The following NUP62CL variants were observed in gnomAD, a reference collection of about 807,000 sequenced individuals.
NUP62CL encodes the protein nucleoporin 62 C-terminal like.
In NUP62CL, 13 loss-of-function variants were observed where a neutral mutation model predicts 15.3. The observed-to-expected ratio is 0.85, with a 90% CI of 0.55 to 1.35. NUP62CL has a LOEUF of 1.35. Among genes scored for constraint, NUP62CL ranks in the 40% most tolerant of loss-of-function variants. The pLI, the probability that NUP62CL is intolerant of heterozygous loss-of-function variation, is 0.00. For synonymous variants in NUP62CL, 54 were observed against 49.2 expected (o/e 1.10, Z -0.41); for missense variants, 123 against 130.6 (o/e 0.94, Z 0.28).
rs1926045678 is a variant in NUP62CL, at chrX:107,152,117, G to GATAGATAT, written c.530+1054_530+1055insATATCTAT. On this transcript the variant is annotated intron_variant, in intron 7 of 8. Transcript: ENST00000372466. ...ATATTCAGATATATATATATATTCA[G>GATAGATAT]ATATATATATATATTCAGATATATA... Among the ~76,000 whole-genome samples the GATAGATAT allele has an allele frequency of 3.5e-4, 12 of 34,746 alleles. 3 individuals are homozygous for GATAGATAT. Among genetic ancestry groups the GATAGATAT allele is most frequent in the African/African-American group, 1.9e-3 (12 of 6,382 alleles). 30.2% of individuals were successfully genotyped at this position (34,746 alleles called of 115,157 possible).
At chrX:107,205,883 C>T (rs754429659) in intron 1 of NUP62CL, among the ~76,000 whole-genome samples, 2 of 110,831 alleles carry the variant, frequency 1.8e-5, no homozygotes, top group Non-Finnish European at 3.8e-5. Context: ...GTGGGAACGA[C>T]ACGTAGCTCA....
intron 4 of NUP62CL, among the ~76,000 whole-genome samples, chrX:107,160,111 A>G (rs1373267494): frequency 2.5e-5 from 2 of 79,656 alleles, no homozygotes; most frequent in Non-Finnish European, 4.6e-5. Context: ...ACTACAAACC[A>G]CTGCTCAAGG....
chrX:107,183,170 G>C (rs1926958239), intron 2 of NUP62CL, among the ~76,000 whole-genome samples: 1 of 111,990 alleles, frequency 8.9e-6, no homozygotes, highest in African/African-American at 3.2e-5. Flanking sequence ...TCCAGCCTGG[G>C]CAACAGAGTG....
At chrX:107,155,365 G>A (rs1015754851) in intron 4 of NUP62CL, among the ~76,000 whole-genome samples, 1 of 112,278 alleles carries the variant, frequency 8.9e-6, no homozygotes, top group Non-Finnish European at 1.9e-5. Context: ...CTGAAATTCT[G>A]CCTCCATGTG....
chrX:107,194,450 T>C (rs1488494025), intron 1 of NUP62CL, among the ~76,000 whole-genome samples: 1 of 111,774 alleles, frequency 8.9e-6, no homozygotes. Flanking sequence ...CTTAAAAGTG[T>C]TAAGGGAAAA....
intron 4 of NUP62CL, among the ~76,000 whole-genome samples, chrX:107,166,563 C>A (rs979904102): frequency 7.2e-5 from 8 of 111,728 alleles, no homozygotes; most frequent in African/African-American, 2.6e-4. Flanking sequence ...GACAACTGCA[C>A]TCCTAGGCAT....
chrX:107,152,061 TATATATATATATATTCAG>T lies in NUP62CL; in HGVS notation c.530+1093_530+1110del, dbSNP rs1569357000. 1.3e-3 allele frequency among the ~76,000 whole-genome samples: 93 copies of T among 69,236 alleles called. 3 individuals carry two copies. Among genetic ancestry groups the T allele is most frequent in the Middle Eastern group, 6.7e-3 (1 of 150 alleles). The allele number at this position is 69,236 out of a possible 115,157, so 60.1% of individuals were successfully genotyped here. A position where few individuals can be genotyped will look rare whatever the true frequency, so the allele number is the denominator to read the frequency against. On this transcript the variant is annotated intron_variant, in intron 7 of 8. Transcript: ENST00000372466. ...ATATATATATTCAGATATATATATA[TATATATATATATATTCAG>T]ATATATATATATATATTCAGATATA...
At position 107,172,384 on chromosome X, in the gene NUP62CL, T is replaced by A. The variant is rs191041217; in HGVS notation, c.58+2705A>T. On this transcript the variant is annotated intron_variant, in intron 3 of 8. Coordinates refer to ENST00000372466, the MANE Select transcript of NUP62CL (RefSeq NM_017681.3). ...TGTTTAGGAATAATTATTTTAAGCT[T>A]AAACGGGATTGACTTTTAGTTTAAG... 3.1e-3 allele frequency among the ~76,000 whole-genome samples: 345 copies of A among 111,536 alleles called. 1 individual carries two copies. The highest frequency in any genetic ancestry group is 0.011 in the African/African-American group (332 of 30,672).
chrX:107,176,183 C>A (rs964221081), intron 2 of NUP62CL, among the ~76,000 whole-genome samples: 16 of 110,965 alleles, frequency 1.4e-4, no homozygotes. Context: ...CATTCAAGCC[C>A]AAAACATTAC....
At chrX:107,187,976 C>T (rs1431161473) in intron 2 of NUP62CL, among the ~76,000 whole-genome samples, 1 of 112,383 alleles carries the variant, frequency 8.9e-6, no homozygotes, top group Non-Finnish European at 1.9e-5. Flanking sequence ...TGTGAAAACT[C>T]CCAAAAATCA....
chrX:107,191,162 C>T (rs932438942), intron 2 of NUP62CL, among the ~76,000 whole-genome samples: 1 of 97,988 alleles, frequency 1.0e-5, no homozygotes, highest in Non-Finnish European at 2.0e-5. Context: ...AGTTATCTGA[C>T]ATATTAAAAG....
chrX:107,124,469 T>A (rs1925341853), intron 8 of NUP62CL, 137 bp from the exon 9 acceptor site: 22 of 292,961 alleles, frequency 7.5e-5, no homozygotes, highest in Middle Eastern at 4.8e-4. Flanking sequence ...AGAAAACACA[T>A]AAGAAAAAAA....
chrX:107,195,580 G>A (rs1448712505), intron 1 of NUP62CL, among the ~76,000 whole-genome samples: 1 of 112,287 alleles, frequency 8.9e-6, no homozygotes, highest in Non-Finnish European at 1.9e-5. Context: ...CTTGAATACT[G>A]TTAGTGTCAT....
intron 4 of NUP62CL, among the ~76,000 whole-genome samples, chrX:107,162,616 G>T (rs761531523): frequency 1.8e-5 from 2 of 112,166 alleles, no homozygotes; most frequent in Admixed American, 1.9e-4. Flanking sequence ...TGGTGAAAAT[G>T]TCCTTCAGAA....
chrX:107,182,581 G>A (rs1370409317), intron 2 of NUP62CL, among the ~76,000 whole-genome samples: 2 of 110,673 alleles, frequency 1.8e-5, no homozygotes, highest in African/African-American at 6.6e-5. Context: ...GATAGGGGGG[G>A]CATGCTACAG....
chrX:107,184,308 A>AG (rs1157752220), intron 2 of NUP62CL, among the ~76,000 whole-genome samples: 1,369 of 34,454 alleles, frequency 0.04, 55 homozygotes, highest in African/African-American at 0.18. Context: ...AGAAAGAAAG[A>AG]AAGAAAGAAA....
intron 1 of NUP62CL, among the ~76,000 whole-genome samples, chrX:107,202,899 G>A (rs960639999): frequency 5.9e-5 from 6 of 101,224 alleles, no homozygotes; most frequent in Non-Finnish European, 1.0e-4. Flanking sequence ...GCTACTTGTA[G>A]CCCCAGAGGT....
intron 8 of NUP62CL, among the ~76,000 whole-genome samples, chrX:107,130,222 C>T (rs773218768): frequency 3.6e-5 from 4 of 111,488 alleles, no homozygotes; most frequent in Non-Finnish European, 5.7e-5. Flanking sequence ...CACACCAAAA[C>T]GCATCATCTG....
rs535897590 is a variant in NUP62CL, at chrX:107,127,048, A to G, written c.*43-2716T>C. ...ACTCTGTCTCAAAAAAAAAAAACCA[A>G]GAAATGTCCATCAACTGATGAATGG... On this transcript the variant is annotated intron_variant, in intron 8 of 8. Coordinates refer to ENST00000372466, the MANE Select transcript of NUP62CL (RefSeq NM_017681.3). 8.1e-5 allele frequency among the ~76,000 whole-genome samples: 9 copies of G among 111,616 alleles called. No individual in the cohort carries two copies. The Admixed American group carries it at 8.5e-4, about 11-fold the overall frequency.
Sources: gnomAD v4.1 joint callset for allele counts (sites outside exome capture counted in the v4.1 genomes callset) on GRCh38, gnomAD v4.1.1 for gene constraint, MANE v1.5 for transcripts, NCBI Gene and HGNC (gene_info 2026-07-23, HGNC 2026-07-21) for gene names.